Variants in STEAP2 observed in about 807,000 individuals in gnomAD.
STEAP2 encodes the protein STEAP2 metalloreductase.
In STEAP2, 30 loss-of-function variants were observed where a neutral mutation model predicts 46.4. The ratio of observed to expected loss-of-function variants is 0.65; its 90% CI spans 0.48 to 0.88. STEAP2 has a LOEUF of 0.88. Ranked by LOEUF, STEAP2 falls within the 40% of genes least tolerant of loss-of-function variation. The probability of loss-of-function intolerance (pLI) is 0.00; values close to 1 mark genes in which losing one functional copy is unlikely to be tolerated. For missense variants in STEAP2, 513 were observed against 579.3 expected (o/e 0.89, Z 1.18); for synonymous variants, 180 against 200.5 (o/e 0.90, Z 0.86).
At chr7:90,223,193 G>T (rs1795331063) in intron 2 of STEAP2, among the ~76,000 whole-genome samples, 1 of 152,196 alleles carries the variant, frequency 6.6e-6, no homozygotes, top group African/African-American at 2.4e-5. Flanking sequence ...TACTTGAAGG[G>T]CTGTAGGCAG....
Position 90,236,563 on chromosome 7 carries a change from A to T in STEAP2, c.*3939A>T. ...ACTGTAATAATTTCAGTGGAAACTC[A>T]ATCTGTTTTTACCTTTAAACAGTGA... is the stretch of plus-strand genomic sequence containing the variant. On this transcript the variant is annotated 3_prime_UTR_variant, in exon 6 of 6. Coordinates refer to ENST00000394621, the MANE Select transcript of STEAP2 (RefSeq NM_001244944.2). 9.6e-7 allele frequency: 1 copy of T among 1,041,906 alleles called. No homozygotes were observed. Among genetic ancestry groups the T allele is most frequent in the Non-Finnish European group, 1.2e-6 (1 of 866,474 alleles). The allele number at this position is 1,041,906 out of a possible 1,614,324, so 64.5% of individuals were successfully genotyped here.
Position 90,237,606 on chromosome 7 carries a change from T to A in STEAP2, c.*4982T>A, listed in dbSNP as rs958362358. On this transcript the variant is annotated 3_prime_UTR_variant, in exon 6 of 6. Coordinates refer to ENST00000394621, the MANE Select transcript of STEAP2 (RefSeq NM_001244944.2). The stretch of plus-strand genomic sequence containing the variant: ...TAAACATTTAAATAAAAAGTACTAT[T>A]TAATGATTTAACTTCTGTTTTGAAA... 6.5e-6 allele frequency: 1 copy of A among 154,412 alleles called. No homozygotes were observed. Among genetic ancestry groups the A allele is most frequent in the African/African-American group, 2.4e-5 (1 of 41,454 alleles). 9.6% of individuals were successfully genotyped at this position (154,412 alleles called of 1,614,324 possible).
chr7:90,234,346 TC>T lies in STEAP2; in HGVS notation c.*1724del. On this transcript the variant is annotated 3_prime_UTR_variant, in exon 6 of 6. Transcript: ENST00000394621. ...ATAGGCAAGATACAATTATATGCGT[TC>T]CTCTTCCTGAAATTATAACATTTCT... 1.0e-6 allele frequency: 1 copy of T among 985,280 alleles called. No individual in the cohort carries two copies. Among genetic ancestry groups the T allele is most frequent in the East Asian group, 1.1e-4 (1 of 8,808 alleles). The allele number at this position is 985,280 out of a possible 1,614,324, so 61.0% of individuals were successfully genotyped here.
chr7:90,227,168 C>T lies in STEAP2; in HGVS notation c.690C>T (p.Ser230=), dbSNP rs750689757. The T allele has an allele frequency of 3.1e-6, 5 of 1,613,302 alleles. No individual in the cohort carries two copies. In the East Asian group the frequency reaches 6.7e-5, roughly 22 times the overall value. ...TGGCCACATTTTTTTTCCTTTATTC[C>T]TTTGTCAGAGATGTGATTCATCCAT... The part of the protein sequence containing the change: ...ISLATFFFLY[S]FVRDVIHPYA... The change falls in exon 4 of 6, where the codon TCC becomes TCT. Residue 230 remains serine, a synonymous_variant. Transcript: ENST00000394621.
At chr7:90,217,555 T>C (rs1274619319) in intron 2 of STEAP2, among the ~76,000 whole-genome samples, 1 of 152,164 alleles carries the variant, frequency 6.6e-6, no homozygotes, top group Non-Finnish European at 1.5e-5. Context: ...CATAATGGCC[T>C]CCACTCCTAT....
chr7:90,223,931 T>C (rs965597162), intron 2 of STEAP2, among the ~76,000 whole-genome samples: 7 of 152,216 alleles, frequency 4.6e-5, no homozygotes, highest in Admixed American at 2.6e-4. Context: ...GGGAACTTTA[T>C]AACCTCTACC....
At position 90,232,834 on chromosome 7, in the gene STEAP2, T is replaced by C. The variant is rs577665175; in HGVS notation, c.*210T>C. 1 of 1,243,478 alleles carries C rather than the reference T, an allele frequency of 8.0e-7. No homozygotes were observed. The highest frequency in any genetic ancestry group is 1.5e-5 in the African/African-American group (1 of 66,404). The allele number at this position is 1,243,478 out of a possible 1,614,324, so 77.0% of individuals were successfully genotyped here. ...ATGAATTTTTCTAGTCAACATATTA[T>C]TGTAATTTAGGTATGTTTTGTTTTG... On this transcript the variant is annotated 3_prime_UTR_variant, in exon 6 of 6. Coordinates refer to ENST00000394621, the MANE Select transcript of STEAP2 (RefSeq NM_001244944.2).
chr7:90,226,862 A>G (rs1795507626), intron 3 of STEAP2, 109 bp from the exon 4 acceptor site: 3 of 1,089,460 alleles, frequency 2.8e-6, no homozygotes, highest in Admixed American at 2.5e-5. Flanking sequence ...TTCAACAAGT[A>G]TTTATTCCTC....
chr7:90,228,427 G>A (rs747422978), intron 4 of STEAP2, among the ~76,000 whole-genome samples: 8 of 151,404 alleles, frequency 5.3e-5, no homozygotes, highest in African/African-American at 1.9e-4. Context: ...CTCTTAATGG[G>A]ATACTAAGGC....
At chr7:90,229,757 A>G (rs1795658731) in intron 4 of STEAP2, 115 bp from the exon 5 acceptor site, 2 of 1,454,774 alleles carry the variant, frequency 1.4e-6, no homozygotes, top group Non-Finnish European at 9.1e-7. Flanking sequence ...CTAAATTAGT[A>G]CAACTTAAAT....
chr7:90,229,891 A>C lies in STEAP2; in HGVS notation c.1040A>C (p.Asn347Thr). Residue 347 changes from asparagine to threonine, a missense_variant, in exon 5 of 6, where the codon AAC becomes ACC. Transcript: ENST00000394621. ...AYQQVHANIE[N>T]SWNEEEVWRI... ...TGTTAGGTTCATGCAAATATTGAAA[A>C]CTCTTGGAATGAGGAAGAAGTTTGG... is the stretch of plus-strand genomic sequence containing the variant. 6.2e-7 allele frequency: 1 copy of C among 1,611,744 alleles called. No individual in the cohort carries two copies. Among genetic ancestry groups the C allele is most frequent in the Non-Finnish European group, 8.5e-7 (1 of 1,179,048 alleles).
chr7:90,243,135 C>T (rs185019453), downstream of STEAP2, among the ~76,000 whole-genome samples: 314 of 152,298 alleles, frequency 2.1e-3, no homozygotes, highest in Middle Eastern at 6.8e-3. Flanking sequence ...CAATCAAATG[C>T]TGCCAGTCCT....
intron 1 of STEAP2, chr7:90,216,201 T>G (rs1055914168): frequency 5.3e-5 from 8 of 152,182 alleles, no homozygotes; most frequent in African/African-American, 1.9e-4. Context: ...CTAACCTCCC[T>G]CTAGACCTAA....
At chr7:90,239,360 G>T (rs760151918), downstream of STEAP2, among the ~76,000 whole-genome samples, 4 of 152,156 alleles carry the variant, frequency 2.6e-5, no homozygotes, top group Non-Finnish European at 5.9e-5. Context: ...TCAACTTCTA[G>T]CCTCCAGAAC....
rs1267103195 is a variant in STEAP2 at position 90,236,251 on chromosome 7, T to A, written c.*3627T>A. Reference sequence around the variant, plus strand: ...TTCTAATGTGGTATTTTAAATAAAGTATCATAAATGTAATAAGTAAATATT... The same window carrying A: ...TTCTAATGTGGTATTTTAAATAAAGAATCATAAATGTAATAAGTAAATATT... On this transcript the variant is annotated 3_prime_UTR_variant, in exon 6 of 6. Coordinates refer to ENST00000394621, the MANE Select transcript of STEAP2 (RefSeq NM_001244944.2). 1.1e-6 allele frequency: 1 copy of A among 880,178 alleles called. No individual in the cohort carries two copies. The highest frequency in any genetic ancestry group is 1.4e-6 in the Non-Finnish European group (1 of 734,588). The allele number at this position is 880,178 out of a possible 1,614,324, so 54.5% of individuals were successfully genotyped here. A position where few individuals can be genotyped will look rare whatever the true frequency, so the allele number is the denominator to read the frequency against.
chr7:90,235,186 G>T lies in STEAP2; in HGVS notation c.*2562G>T. The T allele has an allele frequency of 2.0e-6, 2 of 975,684 alleles. No individual in the cohort carries two copies. Among genetic ancestry groups the T allele is most frequent in the Non-Finnish European group, 2.4e-6 (2 of 821,150 alleles). 60.4% of individuals were successfully genotyped at this position (975,684 alleles called of 1,614,324 possible). On this transcript the variant is annotated 3_prime_UTR_variant, in exon 6 of 6. Coordinates refer to ENST00000394621, the MANE Select transcript of STEAP2 (RefSeq NM_001244944.2). ...AAAAATACCACTGTTACAGATAAAT[G>T]GGGCCTTTAAAAATATGAAAAACAA...
rs1282275957 is a variant in STEAP2 at position 90,232,597 on chromosome 7, C to G, written c.1446C>G (p.Val482=). 1.2e-6 allele frequency: 2 copies of G among 1,612,350 alleles called. No individual in the cohort carries two copies. The highest frequency in any genetic ancestry group is 1.7e-6 in the Non-Finnish European group (2 of 1,178,970). Residue 482 remains valine (V), a synonymous_variant, in exon 6 of 6, where the codon GTC becomes GTG. Coordinates refer to ENST00000394621, the MANE Select transcript of STEAP2 (RefSeq NM_001244944.2). The stretch of plus-strand genomic sequence containing the variant: ...GTATGGGAGGAACAATTCCTCATGT[C>G]TCCCCGGAGAGGGTCACAGTAATGT... ...EEGMGGTIPH[V]SPERVTVM
Position 90,236,744 on chromosome 7 carries a change from C to T in STEAP2, c.*4120C>T, listed in dbSNP as rs1217433341. ...TTAACTTTCTAAATTATTGAATTTC[C>T]ATCATGCATTCATCCAAAATTAAGG... is the stretch of plus-strand genomic sequence containing the variant. On this transcript the variant is annotated 3_prime_UTR_variant, in exon 6 of 6. Coordinates refer to ENST00000394621, the MANE Select transcript of STEAP2 (RefSeq NM_001244944.2). 4 of 1,402,198 alleles carry T rather than the reference C, an allele frequency of 2.9e-6. No individual in the cohort carries two copies. The highest frequency in any genetic ancestry group is 2.7e-5 in the East Asian group (1 of 37,266). 86.9% of individuals were successfully genotyped at this position (1,402,198 alleles called of 1,614,324 possible). A position where few individuals can be genotyped will look rare whatever the true frequency, so the allele number is the denominator to read the frequency against.
Position 90,236,948 on chromosome 7 carries a change from T to C in STEAP2, c.*4324T>C. ...GCTGGAACTGGAATTTGTCTTCCTA[T>C]TGACTCTACTTCTTTAAAAGCGGCT... On this transcript the variant is annotated 3_prime_UTR_variant, in exon 6 of 6. Transcript: ENST00000394621. The C allele has an allele frequency of 6.2e-7, 1 of 1,614,160 alleles. No individual in the cohort carries two copies.
Sources: gnomAD v4.1 joint callset for allele counts (sites outside exome capture counted in the v4.1 genomes callset) on GRCh38, gnomAD v4.1.1 for gene constraint, MANE v1.5 for transcripts, NCBI Gene and HGNC (gene_info 2026-07-23, HGNC 2026-07-21) for gene names.